The following PPIL1 variants were observed in gnomAD, a reference collection of about 807,000 sequenced individuals.
PPIL1 encodes the protein peptidyl-prolyl cis-trans isomerase-like 1.
In PPIL1, 14 loss-of-function variants were observed where a neutral mutation model predicts 19.4. The observed-to-expected ratio is 0.72, with a 90% CI of 0.48 to 1.13. The LOEUF (loss-of-function observed/expected upper bound fraction) is 1.13. PPIL1 is among the 50% of genes most tolerant of loss of function. The probability of loss-of-function intolerance (pLI) is 0.00; values close to 1 mark genes in which losing one functional copy is unlikely to be tolerated. For missense variants in PPIL1, 192 were observed against 218.0 expected, an observed-to-expected ratio of 0.88 and a Z score of 0.75; for synonymous variants, 72 against 73.6, an observed-to-expected ratio of 0.98 and a Z score of 0.11.
At chr6:36,871,449 TAGTG>T (rs1774508215) in intron 2 of PPIL1, among the ~76,000 whole-genome samples, 1 of 152,214 alleles carries the variant, frequency 6.6e-6, no homozygotes, top group African/African-American at 2.4e-5. Context: ...TATTTGTTCT[TAGTG>T]AGCAGTACAT....
intron 1 of PPIL1, among the ~76,000 whole-genome samples, chr6:36,872,155 T>C (rs1774524234): frequency 6.6e-6 from 1 of 151,840 alleles, no homozygotes. Context: ...TACATATGTA[T>C]ATATATATAG....
At chr6:36,874,265 G>T (rs1278143137) in intron 1 of PPIL1, among the ~76,000 whole-genome samples, 10 of 152,204 alleles carry the variant, frequency 6.6e-5, no homozygotes, top group Non-Finnish European at 1.2e-4. Flanking sequence ...GGGAAAATGT[G>T]CTTCTTCCTG....
intron 2 of PPIL1, among the ~76,000 whole-genome samples, chr6:36,859,794 G>A (rs1040399043): frequency 8.2e-5 from 11 of 134,892 alleles, no homozygotes; most frequent in Admixed American, 6.7e-4. Context: ...AATGAAGATA[G>A]GCAGACCTGT....
At chr6:36,865,659 G>C (rs927666463) in intron 2 of PPIL1, among the ~76,000 whole-genome samples, 1 of 152,046 alleles carries the variant, frequency 6.6e-6, no homozygotes, top group African/African-American at 2.4e-5. Flanking sequence ...ATTCCATTGT[G>C]CTTTTTCCCT....
At chr6:36,859,844 T>TGTGTGTGTGTGTGTG (rs1554132501) in intron 2 of PPIL1, among the ~76,000 whole-genome samples, 8 of 150,376 alleles carry the variant, frequency 5.3e-5, no homozygotes, top group East Asian at 2.0e-4. Context: ...TGTGTGTGTG[T>TGTGTGTGTGTGTGTG]TTTGAGACAG....
chr6:36,866,469 T>C (rs1386247258), intron 2 of PPIL1, among the ~76,000 whole-genome samples: 1 of 152,138 alleles, frequency 6.6e-6, no homozygotes, highest in Non-Finnish European at 1.5e-5. Flanking sequence ...GCCTAACTCC[T>C]GCTTGCCTTC....
chr6:36,856,105 C>T, intron 3 of PPIL1, 72 bp from the exon 4 acceptor site: 1 of 1,486,888 alleles, frequency 6.7e-7, no homozygotes, highest in Non-Finnish European at 9.1e-7. Flanking sequence ...GCTGCCCCAT[C>T]CTAGGGATGA....
Position 36,871,868 on chromosome 6 carries a change from C to T in PPIL1, c.61G>A (p.Gly21Arg). Reference sequence around the variant, plus strand: ...CAGTACAGCTCCAGCACAATGATTCCCATGCTGCAGAGGGAGAGGACAACA... The same window carrying T: ...CAGTACAGCTCCAGCACAATGATTCTCATGCTGCAGAGGGAGAGGACAACA... ...PPNVYLETSM[G>R]IIVLELYWKH... Residue 21 changes from glycine to arginine, a missense_variant, in exon 2 of 4, where the codon GGA (glycine) becomes AGA (arginine). Transcript: ENST00000373699. 3 of 1,581,484 alleles carry T rather than the reference C, an allele frequency of 1.9e-6. No individual in the cohort carries two copies. The South Asian group carries it at 3.5e-5, about 19-fold the overall frequency.
intron 2 of PPIL1, among the ~76,000 whole-genome samples, chr6:36,857,617 CA>C (rs1038454187): frequency 6.6e-6 from 1 of 151,982 alleles, no homozygotes; most frequent in African/African-American, 2.4e-5. Flanking sequence ...ACCTGGCTCA[CA>C]AAAAAATTTT....
chr6:36,870,192 A>G (rs1774479907), intron 2 of PPIL1, among the ~76,000 whole-genome samples: 1 of 152,226 alleles, frequency 6.6e-6, no homozygotes, highest in South Asian at 2.1e-4. Flanking sequence ...AAGACTGAGA[A>G]AAGACTCTGC....
intron 2 of PPIL1, among the ~76,000 whole-genome samples, chr6:36,864,827 C>T (rs1047716741): frequency 3.9e-5 from 6 of 152,148 alleles, no homozygotes; most frequent in Non-Finnish European, 8.8e-5. Context: ...ATCTGCCATC[C>T]CTGAGAGTAT....
At chr6:36,857,797 A>C (rs9462232) in intron 2 of PPIL1, among the ~76,000 whole-genome samples, 29,008 of 152,056 alleles carry the variant, frequency 0.19, 2,978 homozygotes, top group East Asian at 0.28. Context: ...TAAATGAATA[A>C]AGGGAAAATG....
Position 36,855,814 on chromosome 6 carries a change from T to C in PPIL1, c.500A>G (p.Ter167TrpextTer10), listed in dbSNP as rs1774153548. ...VKIIKAYPSG[*>W] ...GAGCTGCTCAAGAGGGTAGCAAGTC[T>C]ACCCAGAAGGGTATGCCTTAATGAT... Residue 167 changes from the stop codon to tryptophan, a stop_lost, in exon 4 of 4, where the codon TAG becomes TGG. Transcript: ENST00000373699. 7.4e-6 allele frequency: 12 copies of C among 1,614,130 alleles called. No homozygotes were observed. The highest frequency in any genetic ancestry group is 1.0e-5 in the Non-Finnish European group (12 of 1,179,956).
At chr6:36,867,744 G>A (rs542838592) in intron 2 of PPIL1, among the ~76,000 whole-genome samples, 2 of 152,344 alleles carry the variant, frequency 1.3e-5, no homozygotes, top group South Asian at 4.1e-4. Flanking sequence ...ATAGAACAGA[G>A]GCTAGCCCTC....
intron 2 of PPIL1, among the ~76,000 whole-genome samples, chr6:36,866,564 A>C (rs930334923): frequency 1.3e-5 from 2 of 152,102 alleles, no homozygotes; most frequent in African/African-American, 4.8e-5. Flanking sequence ...TGAGTGATTC[A>C]ATTTCATTAA....
chr6:36,863,267 C>T (rs956795082), intron 2 of PPIL1, among the ~76,000 whole-genome samples: 2 of 152,196 alleles, frequency 1.3e-5, no homozygotes, highest in Non-Finnish European at 2.9e-5. Flanking sequence ...ACCACTCCCT[C>T]GCTGCTGCTC....
At chr6:36,860,983 C>T (rs1015161569) in intron 2 of PPIL1, among the ~76,000 whole-genome samples, 1 of 152,066 alleles carries the variant, frequency 6.6e-6, no homozygotes, top group Non-Finnish European at 1.5e-5. Context: ...GACCATAATG[C>T]TCTGTCTTAT....
chr6:36,871,886 G>C lies in PPIL1; in HGVS notation c.57-14C>G, dbSNP rs778903847. On this transcript the variant is annotated splice_polypyrimidine_tract_variant and intron_variant, in intron 1 of 3. Transcript: ENST00000373699. The stretch of plus-strand genomic sequence containing the variant: ...ATGATTCCCATGCTGCAGAGGGAGA[G>C]GACAACAGCTCCAGTAAACAAAAAG... 4.5e-6 allele frequency: 7 copies of C among 1,560,986 alleles called. No individual in the cohort carries two copies. The highest frequency in any genetic ancestry group is 2.8e-5 in the African/African-American group (2 of 71,240).
chr6:36,873,659 A>C (rs1774567881), intron 1 of PPIL1, among the ~76,000 whole-genome samples: 1 of 152,214 alleles, frequency 6.6e-6, no homozygotes, highest in African/African-American at 2.4e-5. Context: ...TGGAGCCTGA[A>C]GATGTAGAAT....
Sources: allele counts gnomAD v4.1 joint callset (sites outside exome capture counted in the v4.1 genomes callset), GRCh38; gene constraint gnomAD v4.1.1; transcripts MANE v1.5; gene names NCBI Gene and HGNC (gene_info 2026-07-23, HGNC 2026-07-21).